KLHDC2: variants seen among roughly 807,000 people sequenced by gnomAD.
KLHDC2 encodes kelch domain-containing protein 2.
In KLHDC2, 38 loss-of-function variants were observed where a neutral mutation model predicts 62.3. That is an observed-to-expected ratio of 0.61 (90% CI 0.47 to 0.80). The LOEUF is 0.80. Ranked by LOEUF, KLHDC2 falls within the 30% of genes least tolerant of loss-of-function variation. The probability of loss-of-function intolerance (pLI) is 0.00; values close to 1 mark genes in which losing one functional copy is unlikely to be tolerated. For synonymous variants in KLHDC2, 159 were observed against 161.0 expected (o/e 0.99, Z 0.09); for missense variants, 430 against 495.3 (o/e 0.87, Z 1.25).
intron 2 of KLHDC2, among the ~76,000 whole-genome samples, chr14:49,773,663 G>A (rs992385529): frequency 1.4e-5 from 2 of 143,088 alleles, no homozygotes; most frequent in African/African-American, 5.2e-5. Flanking sequence ...TGCAAGCTCC[G>A]CCTCCTGGCT....
rs527240921 is a variant in KLHDC2 at position 49,784,044 on chromosome 14, C to G, written c.*1091C>G. ...GCCACTTCACTGTTCAGTTTCTTTA[C>G]ATCATGAAATGAATACTTGGTATTA... On this transcript the variant is annotated 3_prime_UTR_variant, in exon 13 of 13. Coordinates refer to ENST00000298307, the MANE Select transcript of KLHDC2 (RefSeq NM_014315.3). The G allele has an allele frequency of 9.2e-5, 14 of 151,790 alleles. 1 individual carries two copies. The South Asian group carries it at 2.9e-3, about 32-fold the overall frequency. 9.4% of individuals were successfully genotyped at this position (151,790 alleles called of 1,614,324 possible).
rs778561811 is a variant in KLHDC2 at position 49,782,523 on chromosome 14, C to T, written c.1045-19C>T. 5 of 1,602,446 alleles carry T rather than the reference C, an allele frequency of 3.1e-6. No individual in the cohort carries two copies. The highest frequency in any genetic ancestry group is 4.3e-6 in the Non-Finnish European group (5 of 1,171,654). Reference sequence around the variant, plus strand: ...CAAAGCATTTGCTTTTAAATGTGTTCTTCCTATTTATTTTTCAGGCACACA... The same window carrying T: ...CAAAGCATTTGCTTTTAAATGTGTTTTTCCTATTTATTTTTCAGGCACACA... On this transcript the variant is annotated intron_variant, in intron 11 of 12. Transcript: ENST00000298307.
rs1402725970 is a variant in KLHDC2 at position 49,768,377 on chromosome 14, C to T, written c.-92C>T. On this transcript the variant is annotated 5_prime_UTR_variant, in exon 1 of 13. Transcript: ENST00000298307. ...CCTTTCGCCACCGCCTTTTCCTTGC[C>T]TCGCGCCGCTGTGCATTTCTCTCCT... 18 of 1,403,800 alleles carry T rather than the reference C, an allele frequency of 1.3e-5. No homozygotes were observed. Among genetic ancestry groups the T allele is most frequent in the South Asian group, 5.5e-5 (4 of 72,630 alleles). 87.0% of individuals were successfully genotyped at this position (1,403,800 alleles called of 1,614,324 possible).
intron 6 of KLHDC2, among the ~76,000 whole-genome samples, chr14:49,778,709 TACCTAATA>T: frequency 1.3e-5 from 2 of 152,148 alleles, no homozygotes; most frequent in South Asian, 4.1e-4. Flanking sequence ...CAGCATCTAT[TACCTAATA>T]ATCTAATACT....
chr14:49,780,360 T>C (rs561326380), intron 9 of KLHDC2, 38 bp downstream of exon 9: 2 of 1,233,082 alleles, frequency 1.6e-6, no homozygotes, highest in East Asian at 4.6e-5. Flanking sequence ...AATCATCATA[T>C]ATCATCCATA....
At chr14:49,774,938 T>G (rs957242939) in intron 3 of KLHDC2, 3 of 423,702 alleles carry the variant, frequency 7.1e-6, no homozygotes, top group Non-Finnish European at 8.5e-6. Context: ...TTGCAGCTAC[T>G]TGTTCTCTTA....
At chr14:49,776,449 A>G (rs1303226065) in intron 3 of KLHDC2, among the ~76,000 whole-genome samples, 1 of 152,218 alleles carries the variant, frequency 6.6e-6, no homozygotes, top group Non-Finnish European at 1.5e-5. Flanking sequence ...GGAAAGATGA[A>G]TATTTAATCT....
chr14:49,770,285 C>T (rs1353500945), intron 1 of KLHDC2, among the ~76,000 whole-genome samples: 1 of 152,136 alleles, frequency 6.6e-6, no homozygotes, highest in Admixed American at 6.5e-5. Flanking sequence ...TGAGGGTAGG[C>T]ACAGAAGTCC....
chr14:49,779,512 ATTC>A (rs1889842685), intron 6 of KLHDC2, 80 bp from the exon 7 acceptor site: 1 of 1,015,694 alleles, frequency 9.8e-7, no homozygotes, highest in African/African-American at 1.6e-5. Context: ...TGCCTTACAT[ATTC>A]TTATCCCATA....
In KLHDC2 at chr14:49,784,355, G is replaced by C. The variant is rs1007386820; in HGVS notation, c.*1402G>C. On this transcript the variant is annotated 3_prime_UTR_variant, in exon 13 of 13. Transcript: ENST00000298307. ...CTTTACATCATGAAATGAATACTTG[G>C]TATTAACCTCCCAAATTTCAAGAAA... The C allele has an allele frequency of 1.4e-4, 40 of 283,676 alleles. No homozygotes were observed. Among genetic ancestry groups the C allele is most frequent in the Non-Finnish European group, 2.6e-4 (39 of 152,288 alleles). 17.6% of individuals were successfully genotyped at this position (283,676 alleles called of 1,614,324 possible). A position where few individuals can be genotyped will look rare whatever the true frequency, so the allele number is the denominator to read the frequency against.
At chr14:49,775,525 A>C (rs1889752248) in intron 3 of KLHDC2, among the ~76,000 whole-genome samples, 1 of 152,170 alleles carries the variant, frequency 6.6e-6, no homozygotes, top group Non-Finnish European at 1.5e-5. Context: ...GAGGGAACAG[A>C]ACAAGGAAAA....
intron 2 of KLHDC2, among the ~76,000 whole-genome samples, chr14:49,772,973 A>G (rs1889694125): frequency 6.6e-6 from 1 of 152,176 alleles, no homozygotes; most frequent in African/African-American, 2.4e-5. Context: ...AAAAACATTT[A>G]ACAGTTACAA....
rs371503986 is a variant in KLHDC2, at chr14:49,782,992, A to G, written c.*39A>G. On this transcript the variant is annotated 3_prime_UTR_variant, in exon 13 of 13. Coordinates refer to ENST00000298307, the MANE Select transcript of KLHDC2 (RefSeq NM_014315.3). Reference sequence around the variant, plus strand: ...ATGCCTATGATCACCTTGCATGGACAGCAATCCTGTAAACATCACAGAGTG... The same window carrying G: ...ATGCCTATGATCACCTTGCATGGACGGCAATCCTGTAAACATCACAGAGTG... 76 of 1,595,532 alleles carry G rather than the reference A, an allele frequency of 4.8e-5. No individual in the cohort carries two copies. The African/African-American group carries it at 9.3e-4, about 19-fold the overall frequency.
chr14:49,780,502 G>A (rs1594705334), intron 9 of KLHDC2, 180 bp downstream of exon 9: 7 of 635,344 alleles, frequency 1.1e-5, no homozygotes, highest in East Asian at 1.1e-4. Context: ...GTTCAATAAA[G>A]AACCTGGAGC....
At chr14:49,772,781 A>AC (rs565395866) in intron 2 of KLHDC2, among the ~76,000 whole-genome samples, 111 of 152,142 alleles carry the variant, frequency 7.3e-4, no homozygotes, top group African/African-American at 2.4e-3. Context: ...ACATGGTGAA[A>AC]CCCCATCTCT....
intron 1 of KLHDC2, chr14:49,768,980 T>G (rs937541010): frequency 4.8e-6 from 1 of 207,390 alleles, no homozygotes; most frequent in Non-Finnish European, 9.6e-6. Flanking sequence ...CGGTGTGTGA[T>G]ATCACTCAGA....
rs115954811 is a variant in KLHDC2, at chr14:49,780,200, C to T, written c.774-13C>T. On this transcript the variant is annotated splice_polypyrimidine_tract_variant and intron_variant, in intron 8 of 12. Coordinates refer to ENST00000298307, the MANE Select transcript of KLHDC2 (RefSeq NM_014315.3). ...TCTAAATGCAGATATTGTAACTTAG[C>T]TATTATTTTCAGAATTCCACAAGGC... 1.3e-6 allele frequency: 2 copies of T among 1,492,692 alleles called. No individual in the cohort carries two copies. Among genetic ancestry groups the T allele is most frequent in the East Asian group, 4.5e-5 (2 of 44,260 alleles). 92.5% of individuals were successfully genotyped at this position (1,492,692 alleles called of 1,614,324 possible). A position where few individuals can be genotyped will look rare whatever the true frequency, so the allele number is the denominator to read the frequency against.
chr14:49,779,520 C>A, intron 6 of KLHDC2, 75 bp from the exon 7 acceptor site: 1 of 1,101,338 alleles, frequency 9.1e-7, no homozygotes, highest in Non-Finnish European at 1.3e-6. Context: ...ATATTCTTAT[C>A]CCATATCCAG....
In KLHDC2 at chr14:49,782,844, C is replaced by G. The variant is rs1467922240; in HGVS notation, c.1112C>G (p.Ala371Gly). 6.2e-7 allele frequency: 1 copy of G among 1,613,592 alleles called. No individual in the cohort carries two copies. Among genetic ancestry groups the G allele is most frequent in the African/African-American group, 1.3e-5 (1 of 74,918 alleles). ...TCCACTTTCAGGCTAAGCTTAGAAG[C>G]AGTCATTTGCTTTAAAGAAATGTTA... ...PKSLVRLSLE[A>G]VICFKEMLAN... The change falls in exon 13 of 13, where the codon GCA becomes GGA. Residue 371 changes from alanine (A) to glycine (G), a missense_variant. By Grantham distance (60) the Ala-to-Gly change is moderately conservative. Coordinates refer to ENST00000298307, the MANE Select transcript of KLHDC2 (RefSeq NM_014315.3).
Sources: gnomAD v4.1 joint callset for allele counts (sites outside exome capture counted in the v4.1 genomes callset) on GRCh38, gnomAD v4.1.1 for gene constraint, MANE v1.5 for transcripts, NCBI Gene and HGNC (gene_info 2026-07-23, HGNC 2026-07-21) for gene names.